Variants in CACNA1C observed in about 807,000 individuals in gnomAD.
The protein encoded by CACNA1C is voltage-dependent L-type calcium channel subunit alpha-1C.
A neutral mutation model predicts 229.0 loss-of-function variants in CACNA1C; 30 were observed. The observed-to-expected ratio is 0.13, with a 90% CI of 0.10 to 0.18. The LOEUF (loss-of-function observed/expected upper bound fraction) is 0.18, where lower values mean the gene tolerates loss of function less well. Among genes scored for constraint, CACNA1C ranks in the 10% least tolerant of loss-of-function variants. The pLI is 1.00. For synonymous variants in CACNA1C, 1,114 were observed against 1,132.5 expected, an observed-to-expected ratio of 0.98 and a Z score of 0.33; for missense variants, 1,658 against 2,845.0, an observed-to-expected ratio of 0.58 and a Z score of 9.49.
chr12:2,625,623 A>C (rs1314568592), intron 29 of CACNA1C, among the ~76,000 whole-genome samples: 2 of 152,146 alleles, frequency 1.3e-5, no homozygotes, highest in African/African-American at 4.8e-5. Flanking sequence ...TCGGTGCCAG[A>C]CAGGGCAGGT....
chr12:2,031,719 T>C (rs1006437094), intron 1 of CACNA1C, among the ~76,000 whole-genome samples: 1 of 152,110 alleles, frequency 6.6e-6, no homozygotes, highest in African/African-American at 2.4e-5. Flanking sequence ...AAATTCATGG[T>C]TGGATTTTAC....
At chr12:2,418,112 T>C (rs1203100617) in intron 3 of CACNA1C, among the ~76,000 whole-genome samples, 1 of 152,164 alleles carries the variant, frequency 6.6e-6, no homozygotes, top group Non-Finnish European at 1.5e-5. Context: ...CTGTCTAACC[T>C]TCTGCCTCAG....
At chr12:2,314,064 C>G (rs983602715) in intron 3 of CACNA1C, among the ~76,000 whole-genome samples, 2 of 152,212 alleles carry the variant, frequency 1.3e-5, no homozygotes, top group Non-Finnish European at 2.9e-5. Context: ...TCCTCCCCCC[C>G]ACTTCTTATT....
chr12:2,611,870 C>T lies in CACNA1C; in HGVS notation c.3718-33C>T, dbSNP rs372090817. The T allele has an allele frequency of 1.4e-5, 19 of 1,384,522 alleles. No homozygotes were observed. In the Middle Eastern group the frequency reaches 7.2e-4, roughly 53 times the overall value. 85.8% of individuals were successfully genotyped at this position (1,384,522 alleles called of 1,614,324 possible). The stretch of plus-strand genomic sequence containing the variant: ...GGGAGGAGGAGCGACCTCCCTGCCC[C>T]GTGTTCACAGCTCCTCCCCTCTCCT... On this transcript the variant is annotated intron_variant, in intron 28 of 46. Coordinates refer to ENST00000399655, the MANE Select transcript of CACNA1C (RefSeq NM_000719.7).
At chr12:2,078,454 G>T (rs866406467) in intron 1 of CACNA1C, among the ~76,000 whole-genome samples, 4 of 152,190 alleles carry the variant, frequency 2.6e-5, no homozygotes, top group African/African-American at 9.7e-5. Flanking sequence ...CCTTGAGGAC[G>T]TTGTGCTAAG....
At chr12:2,421,891 C>G (rs1162082158) in intron 3 of CACNA1C, among the ~76,000 whole-genome samples, 3 of 148,530 alleles carry the variant, frequency 2.0e-5, no homozygotes, top group African/African-American at 7.5e-5. Flanking sequence ...AGCATGGTGA[C>G]AGAGCAAGAC....
intron 3 of CACNA1C, among the ~76,000 whole-genome samples, chr12:2,338,966 C>T (rs1368561487): frequency 6.6e-6 from 1 of 152,152 alleles, no homozygotes; most frequent in African/African-American, 2.4e-5. Context: ...ATGCTTCCCC[C>T]CATATCAATA....
At position 2,493,384 on chromosome 12, in the gene CACNA1C, T is replaced by C; in HGVS notation, c.1111T>C (p.Trp371Arg). The change falls in exon 7 of 47, where the codon TGG (tryptophan) becomes CGG (arginine). Residue 371 changes from tryptophan (W) to arginine (R), a missense_variant and splice_region_variant. Trp to Arg is a moderately radical substitution (Grantham distance 101, BLOSUM62 -3). Transcript: ENST00000399655. This position sits in a 1 kb window ranked among gnomAD's most constrained non-coding sequence, Gnocchi z 4.6. Reference sequence around the variant, plus strand: ...GGAGGGCTGGACGGACGTGCTGTACTGGGTACGTAGCATGAGTGGGCAGTC... The same window carrying C: ...GGAGGGCTGGACGGACGTGCTGTACCGGGTACGTAGCATGAGTGGGCAGTC... ...TMEGWTDVLYWVNDAVGRDWP... is the reference protein window; with the variant it reads ...TMEGWTDVLYRVNDAVGRDWP... 2.5e-6 allele frequency: 4 copies of C among 1,611,300 alleles called. No homozygotes were observed. Among genetic ancestry groups the C allele is most frequent in the Non-Finnish European group, 3.4e-6 (4 of 1,177,628 alleles).
Position 2,455,255 on chromosome 12 carries a change from G to C in CACNA1C, c.618-2312G>C, listed in dbSNP as rs566666922. Among the ~76,000 whole-genome samples, 13 of 152,212 alleles carry C rather than the reference G, an allele frequency of 8.5e-5. No homozygotes were observed. In the East Asian group the frequency reaches 1.7e-3, roughly 20 times the overall value. On this transcript the variant is annotated intron_variant, in intron 4 of 46. Transcript: ENST00000399655. ...CCCCCTTTTTTTCTCTGCTCATTTA[G>C]AGCAAAATTTCCCAAAAGACTTGTC...
At chr12:2,370,426 C>T (rs1295219274) in intron 3 of CACNA1C, among the ~76,000 whole-genome samples, 1 of 152,122 alleles carries the variant, frequency 6.6e-6, no homozygotes, top group Non-Finnish European at 1.5e-5. Context: ...TCATGTATAA[C>T]AGCAAGAAAA....
intron 3 of CACNA1C, among the ~76,000 whole-genome samples, chr12:2,140,061 T>C (rs1201298142): frequency 6.6e-6 from 1 of 151,326 alleles, no homozygotes; most frequent in African/African-American, 2.4e-5. Context: ...CTCCTGGTGC[T>C]GTGTACTAGG....
chr12:2,467,022 G>T lies in CACNA1C; in HGVS notation c.757+9316G>T, dbSNP rs1462029544. ...CCACATACCCTTAAACAACATGAGG[G>T]GACACTTACAAAGCTACTTATGAGG... On this transcript the variant is annotated intron_variant, in intron 5 of 46. Transcript: ENST00000399655. This position sits in a 1 kb window ranked among gnomAD's most constrained non-coding sequence, Gnocchi z 4.6. Among the ~76,000 whole-genome samples the T allele has an allele frequency of 6.6e-6, 1 of 152,132 alleles. No individual in the cohort carries two copies. Among genetic ancestry groups the T allele is most frequent in the South Asian group, 2.1e-4 (1 of 4,826 alleles).
chr12:2,053,479 GGGATTAATCC>G lies in CACNA1C; in HGVS notation c.-83_-74del. 1 of 1,516,266 alleles carries G rather than the reference GGGATTAATCC, an allele frequency of 6.6e-7. No individual in the cohort carries two copies. Among genetic ancestry groups the G allele is most frequent in the Non-Finnish European group, 8.9e-7 (1 of 1,127,366 alleles). The allele number at this position is 1,516,266 out of a possible 1,614,324, so 93.9% of individuals were successfully genotyped here. On this transcript the variant is annotated 5_prime_UTR_variant, in exon 1 of 47. Coordinates refer to ENST00000399655, the MANE Select transcript of CACNA1C (RefSeq NM_000719.7). This position sits in a 1 kb window ranked among gnomAD's most constrained non-coding sequence, Gnocchi z 5.8. ...CGCGAAAGCCGCCGGCCTCGGAGGAGGGATTAATCCAGACCCGCCGGGGGGTGTTTTCACA... is the reference window on the plus strand; with the variant it reads ...CGCGAAAGCCGCCGGCCTCGGAGGAGAGACCCGCCGGGGGGTGTTTTCACA...
upstream of CACNA1C, chr12:2,049,511 T>G: frequency 6.6e-6 from 1 of 152,342 alleles, no homozygotes; most frequent in Non-Finnish European, 1.5e-5. Flanking sequence ...GTGGTCACAT[T>G]TAAAAATCTT....
chr12:2,669,885 CTGAG>C (rs2096462143), intron 38 of CACNA1C, among the ~76,000 whole-genome samples: 1 of 152,186 alleles, frequency 6.6e-6, no homozygotes, highest in Non-Finnish European at 1.5e-5. Context: ...TAGCAGCAGC[CTGAG>C]TGAGATAATC....
intron 4 of CACNA1C, among the ~76,000 whole-genome samples, chr12:2,450,295 C>G (rs1238524108): frequency 6.6e-6 from 1 of 152,112 alleles, no homozygotes; most frequent in Non-Finnish European, 1.5e-5. Context: ...TGGCTCACAC[C>G]TGTAATCCCA....
chr12:2,043,810 T>C (rs12301522), intron 1 of CACNA1C, among the ~76,000 whole-genome samples: 54,091 of 114,580 alleles, frequency 0.47, 16,658 homozygotes, highest in African/African-American at 0.76. Context: ...CGCCCGCCAT[T>C]GCGCCCGGCT....
intron 13 of CACNA1C, among the ~76,000 whole-genome samples, chr12:2,572,574 T>C (rs982839091): frequency 0.046 from 86 of 1,854 alleles, no homozygotes; most frequent in Non-Finnish European, 0.055. Context: ...TCCTCCTCCT[T>C]CTCCTCTCCT....
intron 1 of CACNA1C, among the ~76,000 whole-genome samples, chr12:2,114,517 A>G (rs1316188592): frequency 6.6e-6 from 1 of 152,230 alleles, no homozygotes; most frequent in East Asian, 1.9e-4. Flanking sequence ...TCAGATATAA[A>G]GGGATTTGTT....
Sources: allele counts gnomAD v4.1 joint callset (sites outside exome capture counted in the v4.1 genomes callset), GRCh38; gene constraint gnomAD v4.1.1; non-coding constraint Gnocchi (gnomAD v3.1); transcripts MANE v1.5; gene names NCBI Gene and HGNC (gene_info 2026-07-23, HGNC 2026-07-21).